CLNK: variants seen among roughly 807,000 people sequenced by gnomAD.
CLNK encodes the protein cytokine-dependent hematopoietic cell linker.
CLNK carries 74 observed loss-of-function variants against 68.6 expected under a neutral mutation model. The observed-to-expected ratio is 1.08, with a 90% CI of 0.89 to 1.31. The LOEUF (loss-of-function observed/expected upper bound fraction) is 1.31, where lower values mean the gene tolerates loss of function less well. Among genes scored for constraint, CLNK ranks in the 50% most tolerant of loss-of-function variants. The probability of loss-of-function intolerance (pLI) is 0.00; values close to 1 mark genes in which losing one functional copy is unlikely to be tolerated. For synonymous variants in CLNK, 198 were observed against 172.2 expected (o/e 1.15, Z -1.17); for missense variants, 553 against 515.3 (o/e 1.07, Z -0.71).
At chr4:10,670,075 A>G (rs1002808739) in intron 1 of CLNK, among the ~76,000 whole-genome samples, 1 of 152,226 alleles carries the variant, frequency 6.6e-6, no homozygotes, top group African/African-American at 2.4e-5. Context: ...TATAAATAGT[A>G]GTATCAATAT....
intron 3 of CLNK, among the ~76,000 whole-genome samples, chr4:10,588,330 C>T (rs1440764570): frequency 2.0e-5 from 3 of 152,168 alleles, no homozygotes; most frequent in Non-Finnish European, 4.4e-5. Flanking sequence ...CTGACCTTAT[C>T]TGGATTTTAG....
At chr4:10,564,010 T>C (rs1388670740) in intron 7 of CLNK, among the ~76,000 whole-genome samples, 1 of 152,168 alleles carries the variant, frequency 6.6e-6, no homozygotes, top group Admixed American at 6.5e-5. Context: ...ATTTTATGCC[T>C]TTCTGGATTA....
At chr4:10,564,885 T>C (rs1720043411) in intron 6 of CLNK, 108 bp from the exon 7 acceptor site, 1 of 717,244 alleles carries the variant, frequency 1.4e-6, no homozygotes, top group East Asian at 2.7e-5. Context: ...ACAACGTAAG[T>C]AAGAGCAAGC....
chr4:10,632,479 T>G (rs1722930759), intron 2 of CLNK, among the ~76,000 whole-genome samples: 1 of 152,272 alleles, frequency 6.6e-6, no homozygotes, highest in South Asian at 2.1e-4. Flanking sequence ...AACTTTCATT[T>G]AACATCTACA....
chr4:10,555,409 C>A (rs572119840), intron 8 of CLNK, among the ~76,000 whole-genome samples: 6 of 152,288 alleles, frequency 3.9e-5, no homozygotes, highest in African/African-American at 1.2e-4. Context: ...AAAATTATAG[C>A]TATTCCTATC....
In CLNK at chr4:10,634,636, A is replaced by G. The variant is rs182407160; in HGVS notation, c.11+33223T>C. On this transcript the variant is annotated intron_variant, in intron 2 of 18. Transcript: ENST00000226951. ...TTTCAGTTGCCCTATTGCTTCTCAG[A>G]GGCACCTCTGCATTTCCAGCTTTCC... 3.9e-5 allele frequency among the ~76,000 whole-genome samples: 6 copies of G among 152,276 alleles called. No homozygotes were observed. In the East Asian group the frequency reaches 1.2e-3, roughly 29 times the overall value.
chr4:10,621,010 T>C (rs1478048676), intron 2 of CLNK, among the ~76,000 whole-genome samples: 2 of 151,392 alleles, frequency 1.3e-5, no homozygotes, highest in Admixed American at 6.6e-5. Context: ...CTCAGGAGGC[T>C]GAGGCAGGAT....
chr4:10,637,509 C>G (rs1577187867), intron 2 of CLNK, among the ~76,000 whole-genome samples: 1 of 127,288 alleles, frequency 7.9e-6, no homozygotes, highest in Non-Finnish European at 1.6e-5. Flanking sequence ...TGTTTTGGAG[C>G]AAAACATTAG....
intron 4 of CLNK, among the ~76,000 whole-genome samples, chr4:10,573,317 G>A (rs1015634612): frequency 2.6e-5 from 4 of 152,220 alleles, no homozygotes; most frequent in African/African-American, 7.2e-5. Flanking sequence ...CATATGGGAA[G>A]TGTTAATGAG....
chr4:10,595,945 T>C (rs1004325), intron 3 of CLNK, among the ~76,000 whole-genome samples: 105,538 of 152,130 alleles, frequency 0.69, 37,329 homozygotes, highest in East Asian at 0.76. Context: ...AGCACACCTC[T>C]GAGGTCATCC....
chr4:10,539,023 A>G (rs1476772563), intron 11 of CLNK, among the ~76,000 whole-genome samples: 2 of 152,264 alleles, frequency 1.3e-5, no homozygotes, highest in South Asian at 2.1e-4. Context: ...GAAGCCGAGC[A>G]GATGCCAGAA....
chr4:10,498,944 A>C (rs2109022403), intron 18 of CLNK, among the ~76,000 whole-genome samples: 1 of 152,262 alleles, frequency 6.6e-6, no homozygotes, highest in East Asian at 1.9e-4. Flanking sequence ...ATCCGATCAA[A>C]CTTTTATTCT....
At chr4:10,518,127 C>T (rs535896429) in intron 15 of CLNK, among the ~76,000 whole-genome samples, 1 of 151,956 alleles carries the variant, frequency 6.6e-6, no homozygotes, top group African/African-American at 2.4e-5. Context: ...AGGAGAGGAA[C>T]ATTGGGACTA....
chr4:10,543,651 T>TAAAAC (rs1719121715), intron 8 of CLNK, among the ~76,000 whole-genome samples: 1 of 152,196 alleles, frequency 6.6e-6, no homozygotes, highest in African/African-American at 2.4e-5. Flanking sequence ...ACTGGCACAA[T>TAAAAC]ACAACACAAC....
chr4:10,642,842 G>T (rs886647882), intron 2 of CLNK, among the ~76,000 whole-genome samples: 1 of 152,194 alleles, frequency 6.6e-6, no homozygotes, highest in Admixed American at 6.5e-5. Flanking sequence ...CTTCTGGGAA[G>T]GGTATGTAAA....
At chr4:10,695,680 T>C in the CLNK span, among the ~76,000 whole-genome samples, 2 of 152,208 alleles carry the variant, frequency 1.3e-5, no homozygotes, top group Non-Finnish European at 2.9e-5. Flanking sequence ...CCCCACAGCC[T>C]GGTCAAGGTC....
rs1323337319 is a variant in CLNK at position 10,570,565 on chromosome 4, G to A, written c.150+1176C>T. Among the ~76,000 whole-genome samples, 4 of 152,222 alleles carry A rather than the reference G, an allele frequency of 2.6e-5. No individual in the cohort carries two copies. In the South Asian group the frequency reaches 8.3e-4, roughly 32 times the overall value. ...TTTTACAATTTTTGTGTGTGCATGT[G>A]TGTGTATGTATATGTGTGTTTGTAT... On this transcript the variant is annotated intron_variant, in intron 5 of 18. Transcript: ENST00000226951.
chr4:10,560,433 T>G (rs1381548775), intron 7 of CLNK, among the ~76,000 whole-genome samples: 1 of 152,190 alleles, frequency 6.6e-6, no homozygotes, highest in Non-Finnish European at 1.5e-5. Flanking sequence ...CTTTTTATTT[T>G]CTTTGAGACA....
chr4:10,722,835 A>G, the CLNK span, among the ~76,000 whole-genome samples: 1 of 152,192 alleles, frequency 6.6e-6, no homozygotes, highest in Non-Finnish European at 1.5e-5. Context: ...GGATCACCTA[A>G]GGTCAGGAGT....
Sources: allele counts gnomAD v4.1 joint callset (sites outside exome capture counted in the v4.1 genomes callset), GRCh38; gene constraint gnomAD v4.1.1; transcripts MANE v1.5; gene names NCBI Gene and HGNC (gene_info 2026-07-23, HGNC 2026-07-21).